Variants in THBS4 observed in about 807,000 individuals in gnomAD.
THBS4 encodes the protein thrombospondin 4, also known as thrombospondin-4.
THBS4 carries 90 observed loss-of-function variants against 115.7 expected under a neutral mutation model. The ratio of observed to expected loss-of-function variants is 0.78; its 90% CI spans 0.66 to 0.93. The LOEUF is 0.93. THBS4 is among the 40% of genes least tolerant of loss of function. The pLI is 0.00. For synonymous variants in THBS4, 460 were observed against 479.3 expected (o/e 0.96, Z 0.53); for missense variants, 1,087 against 1,232.7 (o/e 0.88, Z 1.77).
intron 20 of THBS4, among the ~76,000 whole-genome samples, chr5:80,081,296 T>G (rs1263174599): frequency 2.0e-5 from 3 of 152,246 alleles, no homozygotes; most frequent in Admixed American, 6.5e-5. Context: ...TCAGCCCTAT[T>G]AAGCCCAATG....
intron 2 of THBS4, among the ~76,000 whole-genome samples, chr5:80,017,423 T>C (rs1252298113): frequency 6.6e-6 from 1 of 152,162 alleles, no homozygotes; most frequent in Non-Finnish European, 1.5e-5. Flanking sequence ...TTTTAAATAA[T>C]GCATCCTCTG....
At chr5:80,082,646 C>A in intron 21 of THBS4, 101 bp downstream of exon 21, 1 of 1,421,040 alleles carries the variant, frequency 7.0e-7, no homozygotes, top group Non-Finnish European at 9.7e-7. Context: ...GCCCAACGCT[C>A]ATACCACATA....
intron 2 of THBS4, among the ~76,000 whole-genome samples, chr5:80,026,575 G>C (rs1832480677): frequency 6.6e-6 from 1 of 152,202 alleles, no homozygotes; most frequent in Admixed American, 6.5e-5. Context: ...CTGTGCCATT[G>C]TGCCACAAAA....
chr5:80,082,272 A>G, intron 20 of THBS4, 134 bp from the exon 21 acceptor site: 1 of 1,207,330 alleles, frequency 8.3e-7, no homozygotes, highest in South Asian at 1.5e-5. Context: ...AATCCAGGTC[A>G]GCGAAAAATG....
At chr5:79,994,333 A>G (rs1199907719) in intron 1 of THBS4, among the ~76,000 whole-genome samples, 3 of 152,294 alleles carry the variant, frequency 2.0e-5, no homozygotes, top group South Asian at 4.1e-4. Context: ...TTCAGAGTTT[A>G]TACTCTTAAC....
rs907640621 is a variant in THBS4, at chr5:80,059,820, G to A, written c.902G>A (p.Cys301Tyr). ...AACCCATGTTTCCGAGGTGTCCAAT[G>A]TACCGACAGTAGAGATGGCTTCCAG... ...DSNPCFRGVQ[C>Y]TDSRDGFQCG... Residue 301 changes from cysteine to tyrosine, a missense_variant, in exon 7 of 22, where the codon TGT becomes TAT. Cys to Tyr is a radical substitution (Grantham distance 194, BLOSUM62 -2). Coordinates refer to ENST00000350881, the MANE Select transcript of THBS4 (RefSeq NM_003248.6). 2 of 1,614,078 alleles carry A rather than the reference G, an allele frequency of 1.2e-6. No individual in the cohort carries two copies. Among genetic ancestry groups the A allele is most frequent in the Non-Finnish European group, 1.7e-6 (2 of 1,180,038 alleles).
chr5:80,026,205 T>G (rs753325425), intron 2 of THBS4, among the ~76,000 whole-genome samples: 2 of 152,234 alleles, frequency 1.3e-5, no homozygotes, highest in African/African-American at 2.4e-5. Context: ...ATCATTTTAA[T>G]ACCACTGGAA....
Position 80,059,744 on chromosome 5 carries a change from C to G in THBS4, c.826C>G (p.Pro276Ala), listed in dbSNP as rs750852205. The G allele has an allele frequency of 3.7e-6, 6 of 1,614,036 alleles. No individual in the cohort carries two copies. The highest frequency in any genetic ancestry group is 4.2e-6 in the Non-Finnish European group (5 of 1,179,964). Residue 276 changes from proline (P) to alanine (A), a missense_variant, in exon 7 of 22, where the codon CCC (proline) becomes GCC (alanine). Pro to Ala is a conservative substitution (Grantham distance 27). Around this residue, in one of 3 missense-constraint regions of THBS4, gnomAD observed 979 missense variants for 1,103.7 expected, o/e 0.89. Transcript: ENST00000350881. ...FQSPTPSTVVPPAPPAPPTRP... is the reference protein window; with the variant it reads ...FQSPTPSTVVAPAPPAPPTRP... Reference sequence around the variant, plus strand: ...GTCTCCGACCCCAAGCACGGTGGTGCCCCCGGCTCCCCCTGCACCGCCAAC... The same window carrying G: ...GTCTCCGACCCCAAGCACGGTGGTGGCCCCGGCTCCCCCTGCACCGCCAAC...
At chr5:80,080,248 A>T in intron 20 of THBS4, 171 bp downstream of exon 20, 1 of 805,816 alleles carries the variant, frequency 1.2e-6, no homozygotes, top group Non-Finnish European at 1.9e-6. Flanking sequence ...GGGAGAGAAG[A>T]TATTCAGGGT....
At position 80,078,924 on chromosome 5, in the gene THBS4, A is replaced by T; in HGVS notation, c.2269A>T (p.Met757Leu). 1 of 1,613,936 alleles carries T rather than the reference A, an allele frequency of 6.2e-7. No individual in the cohort carries two copies. Among genetic ancestry groups the T allele is most frequent in the Non-Finnish European group, 8.5e-7 (1 of 1,179,846 alleles). The change falls in exon 18 of 22, where the codon ATG (methionine) becomes TTG (leucine). Residue 757 changes from methionine (M) to leucine (L), a missense_variant. Transcript: ENST00000350881. Reference sequence around the variant, plus strand: ...ACTCCCTCAACTCTCTCTGCAGGGCATGGAGATTGTACAGACCATGAACAG... The same window carrying T: ...ACTCCCTCAACTCTCTCTGCAGGGCTTGGAGATTGTACAGACCATGAACAG... ...DPNWVVLNQG[M>L]EIVQTMNSDP...
Position 80,078,202 on chromosome 5 carries a change from A to G in THBS4, c.2240A>G (p.Asp747Gly). The G allele has an allele frequency of 6.2e-7, 1 of 1,602,088 alleles. No homozygotes were observed. The highest frequency in any genetic ancestry group is 8.5e-7 in the Non-Finnish European group (1 of 1,171,714). The stretch of plus-strand genomic sequence containing the variant: ...GATCCTGAAGGGGATGCCCAGATCG[A>G]TCCCAACTGGGTGGTCCTGAACCAG... Reference protein sequence around the residue: ...VLDPEGDAQIDPNWVVLNQGM... With the variant: ...VLDPEGDAQIGPNWVVLNQGM... The change falls in exon 17 of 22, where the codon GAT (aspartate) becomes GGT (glycine). Residue 747 changes from aspartate (D) to glycine (G), a missense_variant. Physicochemically the swap from Asp to Gly is moderately conservative, Grantham distance 94. Transcript: ENST00000350881.
At chr5:80,052,547 T>C (rs1661193359) in intron 2 of THBS4, 1 of 152,242 alleles carries the variant, frequency 6.6e-6, no homozygotes, top group Admixed American at 6.5e-5. Context: ...AAAGCCCTTC[T>C]AGCTAGTCTG....
intron 2 of THBS4, among the ~76,000 whole-genome samples, chr5:80,020,115 T>C (rs141766885): frequency 7.4e-4 from 112 of 152,306 alleles, no homozygotes; most frequent in Middle Eastern, 3.4e-3. Flanking sequence ...CTGTCTCCTG[T>C]GTATGTGAAC....
In THBS4 at chr5:80,054,293, A is replaced by AC. The variant is rs372649697; in HGVS notation, c.293-1491dup. Among the ~76,000 whole-genome samples the AC allele has an allele frequency of 6.1e-3, 898 of 148,206 alleles. 8 individuals are homozygous for AC. The highest frequency in any genetic ancestry group is 0.021 in the African/African-American group (843 of 39,908). ...CTCAGTGTCCCAAGTAGCTGGGACT[A>AC]CAAGTATGTGCCACCACACCTGGCC... On this transcript the variant is annotated intron_variant, in intron 2 of 21. Coordinates refer to ENST00000350881, the MANE Select transcript of THBS4 (RefSeq NM_003248.6).
intron 5 of THBS4, among the ~76,000 whole-genome samples, 153 bp downstream of exon 5, chr5:80,058,943 G>T (rs1410676985): frequency 6.6e-6 from 1 of 152,174 alleles, no homozygotes; most frequent in Non-Finnish European, 1.5e-5. Flanking sequence ...GGCTCTGCTG[G>T]AAGTTCTCTG....
intron 2 of THBS4, among the ~76,000 whole-genome samples, chr5:80,054,868 G>A (rs967745291): frequency 1.3e-5 from 2 of 152,208 alleles, no homozygotes; most frequent in African/African-American, 2.4e-5. Flanking sequence ...ACTAAGGCCT[G>A]TGCATGCCTA....
intron 8 of THBS4, among the ~76,000 whole-genome samples, chr5:80,065,027 A>C (rs1833764416): frequency 6.6e-6 from 1 of 152,168 alleles, no homozygotes; most frequent in Non-Finnish European, 1.5e-5. Context: ...AAGACTAGAA[A>C]GCAGTCGGGG....
intron 8 of THBS4, among the ~76,000 whole-genome samples, chr5:80,064,343 T>TAAAG (rs1833737558): frequency 6.6e-6 from 1 of 152,196 alleles, no homozygotes; most frequent in Admixed American, 6.5e-5. Flanking sequence ...CACCACTCTG[T>TAAAG]AAAGACATGC....
chr5:80,069,106 G>A (rs1278014628), intron 10 of THBS4, among the ~76,000 whole-genome samples: 5 of 152,204 alleles, frequency 3.3e-5, no homozygotes, highest in Non-Finnish European at 7.3e-5. Context: ...GCCCTCGGCC[G>A]GTGGCCCGTC....
Sources: allele counts gnomAD v4.1 joint callset (sites outside exome capture counted in the v4.1 genomes callset), GRCh38; gene constraint gnomAD v4.1.1; regional missense constraint gnomAD v4.1.1; transcripts MANE v1.5; gene names NCBI Gene and HGNC (gene_info 2026-07-23, HGNC 2026-07-21).